ARSK: variants seen among roughly 807,000 people sequenced by gnomAD.
ARSK encodes arylsulfatase K.
ARSK carries 37 observed loss-of-function variants against 53.2 expected under a neutral mutation model. The ratio of observed to expected loss-of-function variants is 0.70; its 90% CI spans 0.54 to 0.92. The LOEUF (loss-of-function observed/expected upper bound fraction) is 0.92. Among genes scored for constraint, ARSK ranks in the 40% least tolerant of loss-of-function variants. The probability of loss-of-function intolerance (pLI) is 0.00; values close to 1 mark genes in which losing one functional copy is unlikely to be tolerated. For synonymous variants in ARSK, 208 were observed against 223.2 expected (o/e 0.93, Z 0.61); for missense variants, 613 against 643.0 (o/e 0.95, Z 0.51).
At chr5:95,582,220 A>G (rs1749031749) in intron 3 of ARSK, among the ~76,000 whole-genome samples, 1 of 152,182 alleles carries the variant, frequency 6.6e-6, no homozygotes, top group Non-Finnish European at 1.5e-5. Context: ...TCAGCTACAT[A>G]TACTTAAGAG....
At chr5:95,573,684 C>T (rs886228140) in intron 3 of ARSK, among the ~76,000 whole-genome samples, 1 of 152,072 alleles carries the variant, frequency 6.6e-6, no homozygotes, top group Non-Finnish European at 1.5e-5. Context: ...GTTGTCTGCT[C>T]ATGTAGGTTA....
rs180744964 is a variant in ARSK, at chr5:95,558,870, G to A, written c.126+3466G>A. Among the ~76,000 whole-genome samples, 243 of 152,328 alleles carry A rather than the reference G, an allele frequency of 1.6e-3. 3 individuals are homozygous for A. Among genetic ancestry groups the A allele is most frequent in the African/African-American group, 5.7e-3 (237 of 41,556 alleles). On this transcript the variant is annotated intron_variant, in intron 1 of 7. Coordinates refer to ENST00000380009, the MANE Select transcript of ARSK (RefSeq NM_198150.3). The stretch of plus-strand genomic sequence containing the variant: ...TATAAGACCAGTTTGGCCGGGCGCG[G>A]TGGCTCACACCTGTAATCCCAGCAC...
chr5:95,560,469 G>T (rs1748609563), intron 1 of ARSK, among the ~76,000 whole-genome samples: 1 of 152,106 alleles, frequency 6.6e-6, no homozygotes, highest in Non-Finnish European at 1.5e-5. Flanking sequence ...AATCAATGTA[G>T]TATGTTATTG....
chr5:95,582,848 G>A, intron 3 of ARSK, 68 bp from the exon 4 acceptor site: 1 of 1,413,938 alleles, frequency 7.1e-7, no homozygotes, highest in Non-Finnish European at 9.4e-7. Flanking sequence ...TTTTCTTAGT[G>A]TATGCTTAGT....
chr5:95,561,469 CA>C (rs1403003613), intron 1 of ARSK, among the ~76,000 whole-genome samples: 46 of 152,268 alleles, frequency 3.0e-4, no homozygotes, highest in African/African-American at 1.1e-3. Flanking sequence ...ATGTTCATAG[CA>C]TTATAATGTT....
intron 3 of ARSK, among the ~76,000 whole-genome samples, chr5:95,581,269 A>G (rs1421278644): frequency 6.6e-6 from 1 of 152,238 alleles, no homozygotes; most frequent in Admixed American, 6.5e-5. Flanking sequence ...GTTAAAAAAA[A>G]TAAGGAGAAG....
chr5:95,602,885 G>T (rs1173635678), intron 7 of ARSK, among the ~76,000 whole-genome samples: 1 of 152,102 alleles, frequency 6.6e-6, no homozygotes, highest in Non-Finnish European at 1.5e-5. Context: ...TACAGTATAA[G>T]CATTACTGTA....
intron 6 of ARSK, among the ~76,000 whole-genome samples, chr5:95,597,705 C>T (rs1046908719): frequency 6.6e-6 from 1 of 152,102 alleles, no homozygotes; most frequent in Admixed American, 6.6e-5. Context: ...ACCAGCCTGG[C>T]CAACATGGTG....
At chr5:95,563,310 A>G (rs182999731) in intron 1 of ARSK, among the ~76,000 whole-genome samples, 1 of 152,362 alleles carries the variant, frequency 6.6e-6, no homozygotes, top group African/African-American at 2.4e-5. Context: ...TAAGCTTTGC[A>G]AAAATACACT....
chr5:95,575,117 A>G (rs1433666166), intron 3 of ARSK, among the ~76,000 whole-genome samples: 3 of 152,034 alleles, frequency 2.0e-5, no homozygotes, highest in African/African-American at 4.8e-5. Context: ...TCCCCAATGT[A>G]TGTTCTTGGC....
rs1180447753 is a variant in ARSK at position 95,601,017 on chromosome 5, C to T, written c.1267C>T (p.His423Tyr). 6.2e-7 allele frequency: 1 copy of T among 1,613,936 alleles called. No homozygotes were observed. Among genetic ancestry groups the T allele is most frequent in the African/African-American group, 1.3e-5 (1 of 74,916 alleles). The change falls in exon 7 of 8, where the codon CAC becomes TAC. Residue 423 changes from histidine (H) to tyrosine (Y), a missense_variant. Physicochemically the swap from His to Tyr is moderately conservative, Grantham distance 83. Coordinates refer to ENST00000380009, the MANE Select transcript of ARSK (RefSeq NM_198150.3). Reference sequence around the variant, plus strand: ...CTCCACCTACATGCTTCGAACTAACCACTGGAAATATATAGCCTATTCGGA... The same window carrying T: ...CTCCACCTACATGCTTCGAACTAACTACTGGAAATATATAGCCTATTCGGA... ...NASTYMLRTN[H>Y]WKYIAYSDGA...
At chr5:95,583,238 A>G (rs1398427130) in intron 4 of ARSK, 40 bp downstream of exon 4, 2 of 1,427,750 alleles carry the variant, frequency 1.4e-6, no homozygotes, top group Admixed American at 2.3e-5. Flanking sequence ...GTAGATTTAT[A>G]TATGTGGCTT....
At chr5:95,563,433 A>G (rs977650945) in intron 1 of ARSK, among the ~76,000 whole-genome samples, 4 of 152,202 alleles carry the variant, frequency 2.6e-5, no homozygotes, top group Non-Finnish European at 4.4e-5. Context: ...TGCCTTATAT[A>G]TATCTCAGAC....
rs1467684883 is a variant in ARSK at position 95,577,017 on chromosome 5, G to A, written c.417-5899G>A. 2.6e-5 allele frequency among the ~76,000 whole-genome samples: 4 copies of A among 152,318 alleles called. No individual in the cohort carries two copies. The East Asian group carries it at 5.8e-4, about 22-fold the overall frequency. On this transcript the variant is annotated intron_variant, in intron 3 of 7. Coordinates refer to ENST00000380009, the MANE Select transcript of ARSK (RefSeq NM_198150.3). ...GTTAGGTGCCCATACCTGGCCAGTCGACAGGCTAGAAAGGGAGTTAAATCC... is the reference window on the plus strand; with the variant it reads ...GTTAGGTGCCCATACCTGGCCAGTCAACAGGCTAGAAAGGGAGTTAAATCC...
chr5:95,592,347 C>T (rs922156098), intron 6 of ARSK, among the ~76,000 whole-genome samples: 7 of 152,110 alleles, frequency 4.6e-5, no homozygotes, highest in African/African-American at 1.7e-4. Context: ...TCTCTAATTT[C>T]AGAAATGTTA....
Position 95,586,730 on chromosome 5 carries a change from C to T in ARSK, c.868C>T (p.Leu290Phe), listed in dbSNP as rs146910298. 7.6e-5 allele frequency: 120 copies of T among 1,585,000 alleles called. No individual in the cohort carries two copies. Among genetic ancestry groups the T allele is most frequent in the Non-Finnish European group, 9.9e-5 (116 of 1,168,900 alleles). Residue 290 changes from leucine (L) to phenylalanine (F), a missense_variant, in exon 5 of 8, where the codon CTT (leucine) becomes TTT (phenylalanine). Leu to Phe is a conservative substitution (Grantham distance 22, BLOSUM62 0). Coordinates refer to ENST00000380009, the MANE Select transcript of ARSK (RefSeq NM_198150.3). The stretch of plus-strand genomic sequence containing the variant: ...TATGTGTGCTGAGACAGATGCCATG[C>T]TTGGTAGGTGGTATAATTAATAAGC... The part of the protein sequence containing the change: ...YAMCAETDAM[L>F]GEIILALHQL...
intron 3 of ARSK, among the ~76,000 whole-genome samples, chr5:95,575,449 G>A (rs1212562371): frequency 6.6e-6 from 1 of 152,086 alleles, no homozygotes; most frequent in Non-Finnish European, 1.5e-5. Context: ...CATTGAATCT[G>A]TAAATTGCTT....
intron 3 of ARSK, chr5:95,581,028 T>G: frequency 6.9e-6 from 5 of 721,596 alleles, no homozygotes; most frequent in African/African-American, 1.8e-5. Context: ...TCTACTTAAG[T>G]ACCAGCAATT....
intron 4 of ARSK, among the ~76,000 whole-genome samples, chr5:95,586,238 T>C (rs541291072): frequency 6.6e-6 from 1 of 152,190 alleles, no homozygotes; most frequent in Non-Finnish European, 1.5e-5. Context: ...TACACAACTA[T>C]ATATTAAAGT....
Sources: allele counts gnomAD v4.1 joint callset (sites outside exome capture counted in the v4.1 genomes callset), GRCh38; gene constraint gnomAD v4.1.1; transcripts MANE v1.5; gene names NCBI Gene and HGNC (gene_info 2026-07-23, HGNC 2026-07-21).